BBX: variants seen among roughly 807,000 people sequenced by gnomAD.
The protein encoded by BBX is HMG box transcription factor BBX.
Under a neutral mutation model 100.2 loss-of-function variants are expected in BBX, and 30 were observed. The ratio of observed to expected loss-of-function variants is 0.30; its 90% CI spans 0.22 to 0.41. The LOEUF (loss-of-function observed/expected upper bound fraction) is 0.41. Ranked by LOEUF, BBX falls within the 10% of genes least tolerant of loss-of-function variation. BBX has a pLI of 1.00. For synonymous variants in BBX, 376 were observed against 388.1 expected, an observed-to-expected ratio of 0.97 and a Z score of 0.37; for missense variants, 1,023 against 1,129.8, an observed-to-expected ratio of 0.91 and a Z score of 1.35.
chr3:107,594,776 T>G (rs2053566129), intron 2 of BBX, among the ~76,000 whole-genome samples: 1 of 152,232 alleles, frequency 6.6e-6, no homozygotes, highest in Admixed American at 6.5e-5. Context: ...TTTTAAATTT[T>G]TGCACTGCCC....
At position 107,737,048 on chromosome 3, in the gene BBX, C is replaced by T. The variant is rs963292580; in HGVS notation, c.669+4025C>T. Among the ~76,000 whole-genome samples the T allele has an allele frequency of 2.0e-5, 3 of 152,024 alleles. No homozygotes were observed. The East Asian group carries it at 5.8e-4, about 29-fold the overall frequency. The stretch of plus-strand genomic sequence containing the variant: ...AATGACAGTAAAGTATTGATCAAGC[C>T]ACTCTTTTCTTTGCCTTCCATCCTA... On this transcript the variant is annotated intron_variant, in intron 7 of 17. Coordinates refer to ENST00000325805, the MANE Select transcript of BBX (RefSeq NM_001142568.3).
intron 10 of BBX, among the ~76,000 whole-genome samples, chr3:107,756,333 G>A (rs898303735): frequency 6.6e-6 from 1 of 152,152 alleles, no homozygotes; most frequent in African/African-American, 2.4e-5. Context: ...AAGGAAACAT[G>A]CAGAAGAAAT....
rs936403426 is a variant in BBX at position 107,724,189 on chromosome 3, G to A, written c.406-4576G>A. On this transcript the variant is annotated intron_variant, in intron 5 of 17. Coordinates refer to ENST00000325805, the MANE Select transcript of BBX (RefSeq NM_001142568.3). ...ATGGTGAGCATTTTTTCATGTGTCT[G>A]TTGGCTGCATAAATGTCTTCTTTTG... Among the ~76,000 whole-genome samples, 59 of 152,186 alleles carry A rather than the reference G, an allele frequency of 3.9e-4. 1 individual carries two copies. Among genetic ancestry groups the A allele is most frequent in the Admixed American group, 3.5e-3 (53 of 15,286 alleles).
At chr3:107,762,862 T>G (rs946481695) in intron 10 of BBX, among the ~76,000 whole-genome samples, 1 of 152,138 alleles carries the variant, frequency 6.6e-6, no homozygotes, top group African/African-American at 2.4e-5. Flanking sequence ...AAATTAAAAA[T>G]CCAAAATGGT....
intron 3 of BBX, among the ~76,000 whole-genome samples, chr3:107,652,658 G>A (rs1576184211): frequency 6.6e-6 from 1 of 152,116 alleles, no homozygotes; most frequent in Admixed American, 6.6e-5. Context: ...TACTCTGAAA[G>A]GTGTTGGATC....
At chr3:107,611,774 T>C (rs190753033) in intron 2 of BBX, among the ~76,000 whole-genome samples, 5 of 152,292 alleles carry the variant, frequency 3.3e-5, no homozygotes, top group African/African-American at 4.8e-5. Flanking sequence ...TTGATATCTT[T>C]CTCTAGGTTA....
rs954456281 is a variant in BBX at position 107,806,134 on chromosome 3, G to A, written c.*677G>A. The A allele has an allele frequency of 6.6e-6, 1 of 150,702 alleles. No homozygotes were observed. The highest frequency in any genetic ancestry group is 1.5e-5 in the Non-Finnish European group (1 of 67,720). The allele number at this position is 150,702 out of a possible 1,614,324, so 9.3% of individuals were successfully genotyped here. A position where few individuals can be genotyped will look rare whatever the true frequency, so the allele number is the denominator to read the frequency against. On this transcript the variant is annotated 3_prime_UTR_variant, in exon 18 of 18. Coordinates refer to ENST00000325805, the MANE Select transcript of BBX (RefSeq NM_001142568.3). ...TGCTGGCAAAAAAAAAAAAAAAAGAGAGAGAGAAAAAATTACAACTCTTAC... is the reference window on the plus strand; with the variant it reads ...TGCTGGCAAAAAAAAAAAAAAAAGAAAGAGAGAAAAAATTACAACTCTTAC...
intron 3 of BBX, among the ~76,000 whole-genome samples, chr3:107,699,614 G>C (rs1181873699): frequency 6.6e-6 from 1 of 151,922 alleles, no homozygotes; most frequent in Non-Finnish European, 1.5e-5. Flanking sequence ...CTTTGTAAGA[G>C]GTAGAAGGGA....
chr3:107,752,610 G>T (rs961029572), intron 9 of BBX, among the ~76,000 whole-genome samples: 1 of 152,074 alleles, frequency 6.6e-6, no homozygotes, highest in Non-Finnish European at 1.5e-5. Flanking sequence ...TTAACATCCA[G>T]GGTGATCATT....
At position 107,710,567 on chromosome 3, in the gene BBX, T is replaced by G; in HGVS notation, c.107T>G (p.Leu36Arg). The G allele has an allele frequency of 1.2e-6, 2 of 1,613,860 alleles. No individual in the cohort carries two copies. The highest frequency in any genetic ancestry group is 1.7e-6 in the Non-Finnish European group (2 of 1,179,934). ...LQWHPLLAKK[L>R]LDFSEEEEEE... Reference sequence around the variant, plus strand: ...TGGCATCCATTGCTAGCAAAGAAACTTCTTGATTTTTCAGAAGAGGAAGAA... The same window carrying G: ...TGGCATCCATTGCTAGCAAAGAAACGTCTTGATTTTTCAGAAGAGGAAGAA... The change falls in exon 4 of 18, where the codon CTT (leucine) becomes CGT (arginine). Residue 36 changes from leucine (L) to arginine (R), a missense_variant. Coordinates refer to ENST00000325805, the MANE Select transcript of BBX (RefSeq NM_001142568.3).
intron 2 of BBX, among the ~76,000 whole-genome samples, chr3:107,532,699 G>A (rs967861201): frequency 4.6e-5 from 7 of 152,076 alleles, no homozygotes; most frequent in African/African-American, 9.7e-5. Context: ...TGGTACTGTC[G>A]TACTCAAATA....
At chr3:107,754,190 C>A (rs936491801) in intron 9 of BBX, among the ~76,000 whole-genome samples, 2 of 152,176 alleles carry the variant, frequency 1.3e-5, no homozygotes, top group South Asian at 4.1e-4. Flanking sequence ...AGCGTTGATT[C>A]AAGGCACTGG....
chr3:107,700,889 C>T (rs1195687416), intron 3 of BBX, among the ~76,000 whole-genome samples: 3 of 151,156 alleles, frequency 2.0e-5, no homozygotes, highest in Non-Finnish European at 2.9e-5. Flanking sequence ...TGAATAGTGC[C>T]GCAATAAACA....
chr3:107,608,771 T>C (rs1355249030), intron 2 of BBX, among the ~76,000 whole-genome samples: 2 of 152,204 alleles, frequency 1.3e-5, no homozygotes, highest in African/African-American at 4.8e-5. Flanking sequence ...ATTGTAGAGA[T>C]CTTTCACTTC....
At chr3:107,667,405 T>C (rs1275551754) in intron 3 of BBX, among the ~76,000 whole-genome samples, 1 of 152,108 alleles carries the variant, frequency 6.6e-6, no homozygotes, top group African/African-American at 2.4e-5. Context: ...TCATTTAGTA[T>C]TCTTATTTTA....
At chr3:107,715,979 T>A (rs975551003) in intron 4 of BBX, among the ~76,000 whole-genome samples, 1 of 152,210 alleles carries the variant, frequency 6.6e-6, no homozygotes, top group African/African-American at 2.4e-5. Context: ...AGTTCTTCTT[T>A]CAAATAATCA....
At chr3:107,782,580 T>C (rs1576787178) in intron 13 of BBX, among the ~76,000 whole-genome samples, 1 of 152,114 alleles carries the variant, frequency 6.6e-6, no homozygotes, top group South Asian at 2.1e-4. Flanking sequence ...AAGTGGCTCC[T>C]GTGTCACTGC....
chr3:107,664,096 C>T (rs765593405), intron 3 of BBX, among the ~76,000 whole-genome samples: 4 of 152,192 alleles, frequency 2.6e-5, no homozygotes, highest in East Asian at 1.9e-4. Context: ...TGAGCCACTG[C>T]GCCTGGCCTC....
chr3:107,795,406 T>G (rs2069521858), intron 15 of BBX, among the ~76,000 whole-genome samples: 1 of 152,114 alleles, frequency 6.6e-6, no homozygotes, highest in South Asian at 2.1e-4. Context: ...AGACCATACG[T>G]TCTGGGGTTA....
Sources: gnomAD v4.1 joint callset for allele counts (sites outside exome capture counted in the v4.1 genomes callset) on GRCh38, gnomAD v4.1.1 for gene constraint, MANE v1.5 for transcripts, NCBI Gene and HGNC (gene_info 2026-07-23, HGNC 2026-07-21) for gene names.